The following DHX33 variants were observed in gnomAD, a reference collection of about 807,000 sequenced individuals.
DHX33 encodes DEAH-box helicase 33, also known as ATP-dependent RNA helicase DHX33.
Under a neutral mutation model 72.5 loss-of-function variants are expected in DHX33, and 42 were observed. The ratio of observed to expected loss-of-function variants is 0.58; its 90% CI spans 0.45 to 0.75. The LOEUF (loss-of-function observed/expected upper bound fraction) is 0.75, where lower values mean the gene tolerates loss of function less well. DHX33 is among the 30% of genes least tolerant of loss of function. The probability of loss-of-function intolerance (pLI) is 0.00; values close to 1 mark genes in which losing one functional copy is unlikely to be tolerated. For synonymous variants in DHX33, 358 were observed against 366.1 expected (o/e 0.98, Z 0.25); for missense variants, 842 against 917.5 (o/e 0.92, Z 1.06).
rs1265841260 is a variant in DHX33, at chr17:5,461,027, C to CGACCCTCTAG, written c.751_760dup (p.Arg254ProfsTer19). 1 of 1,613,964 alleles carries CGACCCTCTAG rather than the reference C, an allele frequency of 6.2e-7. No homozygotes were observed. Among genetic ancestry groups the CGACCCTCTAG allele is most frequent in the East Asian group, 2.2e-5 (1 of 44,866 alleles). ...GTAAAACACCTGGATCGGATGCTGC[C>CGACCCTCTAG]GACCCTCTAGGTAGAGGACGGGGGC... On this transcript the variant is annotated frameshift_variant, in exon 4 of 12. Transcript: ENST00000225296. LOFTEE classifies it high-confidence loss of function.
chr17:5,454,049 A>C (rs1917081546), intron 6 of DHX33, 69 bp from the exon 7 acceptor site: 6 of 1,557,444 alleles, frequency 3.9e-6, no homozygotes, highest in Non-Finnish European at 5.2e-6. Flanking sequence ...GTCGATAAAA[A>C]GAAGCACACC....
At chr17:5,458,101 C>T (rs1482105370) in intron 4 of DHX33, among the ~76,000 whole-genome samples, 2 of 152,016 alleles carry the variant, frequency 1.3e-5, no homozygotes, top group Non-Finnish European at 2.9e-5. Context: ...TAGTTAAAGC[C>T]TTCAGTTCCC....
intron 8 of DHX33, among the ~76,000 whole-genome samples, chr17:5,451,194 C>T (rs1055200397): frequency 3.9e-5 from 6 of 152,190 alleles, no homozygotes; most frequent in African/African-American, 1.4e-4. Flanking sequence ...CAGCCTCTGC[C>T]TCCTGGGTTC....
chr17:5,456,254 A>G, intron 4 of DHX33, 72 bp from the exon 5 acceptor site: 1 of 1,458,404 alleles, frequency 6.9e-7, no homozygotes, highest in African/African-American at 1.4e-5. Context: ...GACAATGGTG[A>G]TTGATGATGT....
chr17:5,458,433 G>A (rs1244773297), intron 4 of DHX33, among the ~76,000 whole-genome samples: 1 of 152,112 alleles, frequency 6.6e-6, no homozygotes, highest in African/African-American at 2.4e-5. Context: ...AATATTCTTA[G>A]TATTGATACT....
intron 1 of DHX33, among the ~76,000 whole-genome samples, chr17:5,466,717 A>G (rs372515301): frequency 4.6e-5 from 7 of 152,244 alleles, no homozygotes; most frequent in East Asian, 1.9e-4. Flanking sequence ...GCAGCTAGGT[A>G]AAACCTAGGA....
In DHX33 at chr17:5,460,594, C is replaced by T. The variant is rs372871266; in HGVS notation, c.849+345G>A. 4.0e-5 allele frequency among the ~76,000 whole-genome samples: 6 copies of T among 151,880 alleles called. No individual in the cohort carries two copies. The South Asian group carries it at 1.3e-3, about 32-fold the overall frequency. ...CAATCTCGCCTCATTGCAACTTCCACCTCCCGGATTCAGGCGATTCTCCCA... is the reference window on the plus strand; with the variant it reads ...CAATCTCGCCTCATTGCAACTTCCATCTCCCGGATTCAGGCGATTCTCCCA... On this transcript the variant is annotated intron_variant, in intron 4 of 11. Transcript: ENST00000225296.
In DHX33 at chr17:5,466,961, G is replaced by A. The variant is rs558869849; in HGVS notation, c.289+1610C>T. 8.9e-4 allele frequency among the ~76,000 whole-genome samples: 136 copies of A among 152,324 alleles called. 1 individual carries two copies. The highest frequency in any genetic ancestry group is 1.6e-3 in the Non-Finnish European group (111 of 68,026). ...TTTCGGTAAAAAGATTATCAGGAGG[G>A]ATAAGAATGCACATTTTTACCTACG... On this transcript the variant is annotated intron_variant, in intron 1 of 11. Transcript: ENST00000225296.
Position 5,460,967 on chromosome 17 carries a change from G to C in DHX33, c.821C>G (p.Ala274Gly), listed in dbSNP as rs770906517. Residue 274 changes from alanine (A) to glycine (G), a missense_variant, in exon 4 of 12, where the codon GCG becomes GGG. Ala to Gly is a moderately conservative substitution (Grantham distance 60). Transcript: ENST00000225296. ...GTGGATCTGGAAGACGGAGACAAGC[G>C]CGGCGTGCAGGTAATCATTCTGAGG... ...KQPQNDYLHAALVSVFQIHQE... is the reference protein window; with the variant it reads ...KQPQNDYLHAGLVSVFQIHQE... 6.8e-6 allele frequency: 11 copies of C among 1,613,414 alleles called. No individual in the cohort carries two copies.
chr17:5,463,077 C>CAA (rs971085917), intron 2 of DHX33, among the ~76,000 whole-genome samples: 5 of 132,592 alleles, frequency 3.8e-5, no homozygotes, highest in Non-Finnish European at 8.2e-5. Flanking sequence ...AGACTATCTC[C>CAA]AAAAAAAAAA....
At chr17:5,452,329 A>G (rs1174121867) in intron 8 of DHX33, among the ~76,000 whole-genome samples, 2 of 152,078 alleles carry the variant, frequency 1.3e-5, no homozygotes, top group Non-Finnish European at 2.9e-5. Flanking sequence ...CACCTAGGTC[A>G]GGAGTTCAAG....
intron 4 of DHX33, among the ~76,000 whole-genome samples, chr17:5,458,922 G>T (rs559170547): frequency 6.6e-6 from 1 of 152,084 alleles, no homozygotes; most frequent in Non-Finnish European, 1.5e-5. Context: ...AATTGACTGG[G>T]CACGGTTTCT....
Position 5,444,592 on chromosome 17 carries a change from C to A in DHX33, c.1816-79G>T. On this transcript the variant is annotated intron_variant, in intron 11 of 11. Transcript: ENST00000225296. The surrounding 1 kb of genome is among the most constrained non-coding windows in gnomAD (Gnocchi z 4.9). ...AGCACTACACAGCGTGTTGGGGCAACTGGACCCACTGGGGCAAAAGCAGCC... is the reference window on the plus strand; with the variant it reads ...AGCACTACACAGCGTGTTGGGGCAAATGGACCCACTGGGGCAAAAGCAGCC... 2 of 1,425,512 alleles carry A rather than the reference C, an allele frequency of 1.4e-6. No individual in the cohort carries two copies. Among genetic ancestry groups the A allele is most frequent in the South Asian group, 1.3e-5 (1 of 75,304 alleles). 88.3% of individuals were successfully genotyped at this position (1,425,512 alleles called of 1,614,324 possible).
intron 4 of DHX33, among the ~76,000 whole-genome samples, chr17:5,460,176 G>A (rs960323498): frequency 2.6e-5 from 4 of 151,736 alleles, no homozygotes; most frequent in Non-Finnish European, 4.4e-5. Flanking sequence ...TACCACACCC[G>A]GCTAATTTTT....
chr17:5,455,818 C>T (rs1917164503), intron 5 of DHX33, among the ~76,000 whole-genome samples, 179 bp downstream of exon 5: 1 of 152,226 alleles, frequency 6.6e-6, no homozygotes, highest in African/African-American at 2.4e-5. Flanking sequence ...GCTCCTGTCA[C>T]AGGAGCGCTG....
At chr17:5,447,081 A>AC (rs915905293) in intron 11 of DHX33, among the ~76,000 whole-genome samples, 9 of 152,230 alleles carry the variant, frequency 5.9e-5, no homozygotes, top group African/African-American at 2.2e-4. Flanking sequence ...ACACACGGAC[A>AC]CTGTCTCAGT....
Position 5,453,636 on chromosome 17 carries a change from A to G in DHX33, c.1340T>C (p.Leu447Pro), listed in dbSNP as rs759557175. 6.2e-6 allele frequency: 10 copies of G among 1,614,188 alleles called. No individual in the cohort carries two copies. The highest frequency in any genetic ancestry group is 8.5e-6 in the Non-Finnish European group (10 of 1,180,030). Residue 447 changes from leucine to proline, a missense_variant, in exon 8 of 12, where the codon CTA becomes CCA. Physicochemically the swap from Leu to Pro is moderately conservative, Grantham distance 98. Transcript: ENST00000225296. ...GAGCACATTTGGGACTTTCATTGCT[A>G]GAAGCTGAAGCATCACACTGGCCAG... ...CNLASVMLQL[L>P]AMKVPNVLTF...
At position 5,458,293 on chromosome 17, in the gene DHX33, C is replaced by T. The variant is rs16954705; in HGVS notation, c.850-2111G>A. On this transcript the variant is annotated intron_variant, in intron 4 of 11. Coordinates refer to ENST00000225296, the MANE Select transcript of DHX33 (RefSeq NM_020162.4). ...CTGTGCTTGAACACAGAACTATACA[C>T]GACTGGCATATGAGATGTTGGAATA... Among the ~76,000 whole-genome samples the T allele has an allele frequency of 1.7e-3, 258 of 152,006 alleles. 5 individuals are homozygous for T. The East Asian group carries it at 0.046, about 27-fold the overall frequency.
intron 9 of DHX33, 105 bp from the exon 10 acceptor site, chr17:5,450,511 G>A (rs1331344957): frequency 2.4e-6 from 3 of 1,233,278 alleles, no homozygotes; most frequent in Non-Finnish European, 2.3e-6. Context: ...GGAGTTAAAG[G>A]GCAGGTATTT....
Sources: gnomAD v4.1 joint callset for allele counts (sites outside exome capture counted in the v4.1 genomes callset) on GRCh38, gnomAD v4.1.1 for gene constraint, Gnocchi (gnomAD v3.1) non-coding constraint, MANE v1.5 for transcripts, NCBI Gene and HGNC (gene_info 2026-07-23, HGNC 2026-07-21) for gene names.